MINDY4: variants seen among roughly 807,000 people sequenced by gnomAD.
The protein encoded by MINDY4 is probable ubiquitin carboxyl-terminal hydrolase MINDY-4.
In MINDY4, 68 loss-of-function variants were observed where a neutral mutation model predicts 87.0. The observed-to-expected ratio is 0.78, with a 90% confidence interval of 0.64 to 0.96. MINDY4 has a LOEUF of 0.96. MINDY4 is among the 40% of genes least tolerant of loss of function. The pLI, the probability that MINDY4 is intolerant of heterozygous loss-of-function variation, is 0.00. For synonymous variants in MINDY4, 379 were observed against 363.2 expected, an observed-to-expected ratio of 1.04 and a Z score of -0.50; for missense variants, 919 against 928.2, an observed-to-expected ratio of 0.99 and a Z score of 0.13.
At chr7:30,843,027 C>T (rs796382854) in intron 9 of MINDY4, among the ~76,000 whole-genome samples, 1 of 152,142 alleles carries the variant, frequency 6.6e-6, no homozygotes, top group East Asian at 1.9e-4. Flanking sequence ...GTTACCTGTC[C>T]ACATCTGCCG....
intron 11 of MINDY4, chr7:30,852,481 C>A: frequency 5.5e-6 from 3 of 547,784 alleles, no homozygotes; most frequent in Non-Finnish European, 7.0e-6. Flanking sequence ...GCTTTACGGC[C>A]AAAAGGCTGA....
intron 15 of MINDY4, among the ~76,000 whole-genome samples, chr7:30,880,465 C>G (rs1444834488): frequency 6.6e-6 from 1 of 152,268 alleles, no homozygotes; most frequent in African/African-American, 2.4e-5. Context: ...CCCTTAATCT[C>G]TCGACTGTTA....
At chr7:30,859,424 G>T in intron 13 of MINDY4, 100 bp downstream of exon 13, 4 of 1,102,734 alleles carry the variant, frequency 3.6e-6, no homozygotes, top group Non-Finnish European at 5.5e-6. Flanking sequence ...CATGTTGAGG[G>T]CTCTGTGAGT....
At chr7:30,869,947 G>A (rs970984956) in intron 13 of MINDY4, among the ~76,000 whole-genome samples, 6 of 152,168 alleles carry the variant, frequency 3.9e-5, no homozygotes, top group Admixed American at 1.3e-4. Flanking sequence ...GCTCTCCAGA[G>A]AATTCCCCTA....
In MINDY4 at chr7:30,785,207, C is replaced by T. The variant is rs1266334802; in HGVS notation, c.420-542C>T. 7.2e-5 allele frequency among the ~76,000 whole-genome samples: 11 copies of T among 151,954 alleles called. 1 individual carries two copies. Among genetic ancestry groups the T allele is most frequent in the South Asian group, 4.2e-4 (2 of 4,794 alleles). ...ACATGCCATCCACCCTCTTACACTC[C>T]GCTCAACTCCCCTCACCTTCTTTTG... On this transcript the variant is annotated intron_variant, in intron 3 of 17. Transcript: ENST00000265299.
chr7:30,839,091 G>A, intron 7 of MINDY4, 109 bp from the exon 8 acceptor site: 1 of 649,978 alleles, frequency 1.5e-6, no homozygotes, highest in Non-Finnish European at 2.7e-6. Context: ...CTAGAAAATG[G>A]GCTTCCCTGC....
At position 30,840,923 on chromosome 7, in the gene MINDY4, G is replaced by A. The variant is rs570209715; in HGVS notation, c.1445+75G>A. 5.7e-5 allele frequency: 75 copies of A among 1,309,554 alleles called. No homozygotes were observed. In the African/African-American group the frequency reaches 9.6e-4, roughly 17 times the overall value. 81.1% of individuals were successfully genotyped at this position (1,309,554 alleles called of 1,614,324 possible). On this transcript the variant is annotated intron_variant, in intron 9 of 17. Transcript: ENST00000265299. ...AGAGTGTCCAGAAAAAACAAGCAAG[G>A]AAGCATGTGTGTTCCCTGATATTTC...
At chr7:30,841,923 T>A (rs77395672) in intron 9 of MINDY4, among the ~76,000 whole-genome samples, 8,098 of 152,140 alleles carry the variant, frequency 0.053, 362 homozygotes, top group East Asian at 0.11. Flanking sequence ...GAATCTTTTT[T>A]AAAAAAGCCT....
intron 13 of MINDY4, among the ~76,000 whole-genome samples, chr7:30,859,660 G>A (rs2128573968): frequency 6.6e-6 from 1 of 152,332 alleles, no homozygotes; most frequent in African/African-American, 2.4e-5. Context: ...ATGGACAATT[G>A]AGGCTGAGAC....
At chr7:30,881,941 C>T (rs191172041) in intron 15 of MINDY4, among the ~76,000 whole-genome samples, 29 of 152,102 alleles carry the variant, frequency 1.9e-4, no homozygotes, top group Admixed American at 1.5e-3. Flanking sequence ...CGAGTGATAC[C>T]GGGTCTCAGG....
chr7:30,846,816 A>C (rs1475292338), intron 9 of MINDY4, among the ~76,000 whole-genome samples: 1 of 152,130 alleles, frequency 6.6e-6, no homozygotes, highest in Non-Finnish European at 1.5e-5. Flanking sequence ...TTATCATTAG[A>C]TTCTCATAAG....
chr7:30,818,321 A>G (rs1043148520), intron 5 of MINDY4, among the ~76,000 whole-genome samples: 1 of 151,980 alleles, frequency 6.6e-6, no homozygotes, highest in Non-Finnish European at 1.5e-5. Context: ...ATTTTATTTT[A>G]TATTTTTGTA....
chr7:30,828,062 T>G (rs1246062122), intron 5 of MINDY4, among the ~76,000 whole-genome samples: 2 of 149,268 alleles, frequency 1.3e-5, no homozygotes, highest in African/African-American at 2.5e-5. Context: ...CCTCAAAGGG[T>G]CCACCCTTAA....
chr7:30,790,888 C>T (rs1317149233), intron 4 of MINDY4, among the ~76,000 whole-genome samples: 1 of 152,204 alleles, frequency 6.6e-6, no homozygotes, highest in African/African-American at 2.4e-5. Context: ...GACGGCTTCA[C>T]CTGCTGCATG....
At chr7:30,841,172 C>A (rs1022815073) in intron 9 of MINDY4, among the ~76,000 whole-genome samples, 1 of 152,170 alleles carries the variant, frequency 6.6e-6, no homozygotes, top group African/African-American at 2.4e-5. Context: ...GACCTGCCGA[C>A]CTTTCGACTG....
chr7:30,880,144 C>T (rs1422134126), intron 15 of MINDY4, among the ~76,000 whole-genome samples: 19 of 152,184 alleles, frequency 1.2e-4, no homozygotes. Flanking sequence ...AAATGCTGAC[C>T]CTTTGAAGTG....
chr7:30,785,638 T>C (rs1192609906), intron 3 of MINDY4, 111 bp from the exon 4 acceptor site: 7 of 1,313,688 alleles, frequency 5.3e-6, no homozygotes, highest in Non-Finnish European at 7.5e-6. Flanking sequence ...GAAGTCATCA[T>C]AGATTTATTA....
In MINDY4 at chr7:30,781,858, G is replaced by A; in HGVS notation, c.184-119G>A. 3 of 690,248 alleles carry A rather than the reference G, an allele frequency of 4.3e-6. No individual in the cohort carries two copies. In the South Asian group the frequency reaches 5.8e-5, roughly 13 times the overall value. The allele number at this position is 690,248 out of a possible 1,614,324, so 42.8% of individuals were successfully genotyped here. A position where few individuals can be genotyped will look rare whatever the true frequency, so the allele number is the denominator to read the frequency against. On this transcript the variant is annotated intron_variant, in intron 2 of 17. Coordinates refer to ENST00000265299, the MANE Select transcript of MINDY4 (RefSeq NM_032222.3). The stretch of plus-strand genomic sequence containing the variant: ...TGTGGCCAGTAAATGTTGGCTGAAA[G>A]CTTGTATGAATGAGTGAGAAGTTGA...
chr7:30,853,571 G>A lies in MINDY4; in HGVS notation c.1677+112G>A, dbSNP rs373623044. On this transcript the variant is annotated intron_variant, in intron 12 of 17. Transcript: ENST00000265299. ...TCTCCTGTCGTCCCACCCTGGGATG[G>A]CGAGGAAGCTGGGAAGGAGTAATGC... 91 of 969,698 alleles carry A rather than the reference G, an allele frequency of 9.4e-5. 2 individuals are homozygous for A. The African/African-American group carries it at 1.1e-3, about 12-fold the overall frequency. 60.1% of individuals were successfully genotyped at this position (969,698 alleles called of 1,614,324 possible).
Sources: allele counts gnomAD v4.1 joint callset (sites outside exome capture counted in the v4.1 genomes callset), GRCh38; gene constraint gnomAD v4.1.1; transcripts MANE v1.5; gene names NCBI Gene and HGNC (gene_info 2026-07-23, HGNC 2026-07-21).